Variants in ATP8A2 observed in about 807,000 individuals in gnomAD.
ATP8A2 encodes the protein ATPase phospholipid transporting 8A2, also known as phospholipid-transporting ATPase IB.
A neutral mutation model predicts 165.6 loss-of-function variants in ATP8A2; 100 were observed. The observed-to-expected ratio is 0.60, with a 90% confidence interval of 0.51 to 0.71. ATP8A2 has a LOEUF of 0.71. Among genes scored for constraint, ATP8A2 ranks in the 30% least tolerant of loss-of-function variants. The probability of loss-of-function intolerance (pLI) is 0.00; values close to 1 mark genes in which losing one functional copy is unlikely to be tolerated. For synonymous variants in ATP8A2, 543 were observed against 548.8 expected (o/e 0.99, Z 0.15); for missense variants, 1,227 against 1,479.5 (o/e 0.83, Z 2.80).
intron 30 of ATP8A2, among the ~76,000 whole-genome samples, chr13:25,849,215 A>G (rs1402016638): frequency 6.6e-6 from 1 of 152,218 alleles, no homozygotes; most frequent in African/African-American, 2.4e-5. Flanking sequence ...TGAGCCCTGC[A>G]TGAGTGTGAT....
At chr13:25,412,152 G>T (rs1044346345) in intron 1 of ATP8A2, among the ~76,000 whole-genome samples, 4 of 152,170 alleles carry the variant, frequency 2.6e-5, no homozygotes, top group Admixed American at 6.5e-5. Flanking sequence ...TCCTCCAGGA[G>T]GGGGACAGGT....
intron 25 of ATP8A2, among the ~76,000 whole-genome samples, chr13:25,738,581 G>A (rs1320016647): frequency 6.6e-6 from 1 of 152,212 alleles, no homozygotes; most frequent in Non-Finnish European, 1.5e-5. Flanking sequence ...AAGGGGCCTG[G>A]GCCTGGAGGG....
chr13:26,011,255 T>C (rs1324402), intron 35 of ATP8A2, among the ~76,000 whole-genome samples: 151,943 of 152,314 alleles, frequency 1, 75,788 homozygotes, highest in Middle Eastern at 1. Context: ...CTCGAGCTAC[T>C]TACAGATTGG....
At chr13:25,475,133 G>A (rs2035957817) in intron 2 of ATP8A2, among the ~76,000 whole-genome samples, 1 of 151,980 alleles carries the variant, frequency 6.6e-6, no homozygotes, top group East Asian at 1.9e-4. Context: ...ACTGTGCCCG[G>A]CCTCAATAGT....
At chr13:25,834,422 A>G (rs1416227369) in intron 28 of ATP8A2, among the ~76,000 whole-genome samples, 1 of 152,160 alleles carries the variant, frequency 6.6e-6, no homozygotes, top group African/African-American at 2.4e-5. Flanking sequence ...GAGATAAAAG[A>G]AAAAGTCTGT....
intron 27 of ATP8A2, among the ~76,000 whole-genome samples, chr13:25,801,608 T>C (rs1950623313): frequency 6.6e-6 from 1 of 152,178 alleles, no homozygotes; most frequent in African/African-American, 2.4e-5. Context: ...GCCTTGAATT[T>C]GCTATTGAGA....
At chr13:25,512,599 C>T (rs1453948859) in intron 2 of ATP8A2, among the ~76,000 whole-genome samples, 1 of 147,560 alleles carries the variant, frequency 6.8e-6, no homozygotes, top group East Asian at 2.1e-4. Context: ...CAGAGGCGCC[C>T]CTCACCTCCC....
rs1053967062 is a variant in ATP8A2 at position 25,963,572 on chromosome 13, C to T, written c.3272+1909C>T. Among the ~76,000 whole-genome samples the T allele has an allele frequency of 9.2e-5, 14 of 152,284 alleles. No individual in the cohort carries two copies. In the East Asian group the frequency reaches 2.7e-3, roughly 29 times the overall value. On this transcript the variant is annotated intron_variant, in intron 34 of 36. Transcript: ENST00000381655. Reference sequence around the variant, plus strand: ...TCAGTTTTAGATAAATAGGCCACATCAGCTGGCCTTTTCTATTTATAGTGA... The same window carrying T: ...TCAGTTTTAGATAAATAGGCCACATTAGCTGGCCTTTTCTATTTATAGTGA...
At chr13:25,515,485 G>A (rs545650694) in intron 2 of ATP8A2, among the ~76,000 whole-genome samples, 1 of 152,358 alleles carries the variant, frequency 6.6e-6, no homozygotes, top group South Asian at 2.1e-4. Context: ...CCCCTCTTGT[G>A]GGCTTCTCTC....
chr13:25,791,553 A>ACACACC, intron 27 of ATP8A2, among the ~76,000 whole-genome samples: 1 of 151,344 alleles, frequency 6.6e-6, no homozygotes, highest in South Asian at 2.1e-4. Context: ...ACACACACAC[A>ACACACC]CACACACACA....
intron 27 of ATP8A2, among the ~76,000 whole-genome samples, chr13:25,815,021 G>A (rs1188579383): frequency 6.6e-6 from 1 of 150,974 alleles, no homozygotes. Context: ...GCGGCAGAGT[G>A]AGACCTTGTT....
rs2036463035 is a variant in ATP8A2 at position 25,489,687 on chromosome 13, G to A, written c.221+20566G>A. Among the ~76,000 whole-genome samples the A allele has an allele frequency of 5.3e-5, 8 of 152,188 alleles. No homozygotes were observed. In the South Asian group the frequency reaches 1.7e-3, roughly 31 times the overall value. On this transcript the variant is annotated intron_variant, in intron 2 of 36. Coordinates refer to ENST00000381655, the MANE Select transcript of ATP8A2 (RefSeq NM_016529.6). ...CAGAATTGAACAGAAAATGAGAATT[G>A]GCTTAATGTGTTGTTCTCAGATATC...
Position 25,657,052 on chromosome 13 carries a change from C to CA in ATP8A2, c.2212-42092dup, listed in dbSNP as rs57955107. Among the ~76,000 whole-genome samples, 74 of 67,728 alleles carry CA rather than the reference C, an allele frequency of 1.1e-3. 5 individuals carry two copies. The highest frequency in any genetic ancestry group is 2.6e-3 in the South Asian group (3 of 1,158). The allele number at this position is 67,728 out of a possible 152,430, so 44.4% of individuals were successfully genotyped here. ...TGGGTGACAGATCGAGACTCTGTCT[C>CA]AAAAAAAAAAAAAAAAAAAAAAAAA... On this transcript the variant is annotated intron_variant, in intron 24 of 36. Transcript: ENST00000381655.
intron 24 of ATP8A2, among the ~76,000 whole-genome samples, chr13:25,649,173 G>A (rs2041752081): frequency 1.3e-5 from 2 of 152,294 alleles, no homozygotes; most frequent in South Asian, 4.1e-4. Flanking sequence ...TTATTATGTA[G>A]TTTAACCTGC....
intron 2 of ATP8A2, among the ~76,000 whole-genome samples, chr13:25,471,158 A>G (rs1039749514): frequency 6.6e-6 from 1 of 152,210 alleles, no homozygotes; most frequent in Non-Finnish European, 1.5e-5. Context: ...TAAAAGATAT[A>G]TACTGTATAA....
intron 27 of ATP8A2, among the ~76,000 whole-genome samples, chr13:25,816,725 T>C (rs80158563): frequency 0.022 from 3,277 of 152,266 alleles, 108 homozygotes; most frequent in African/African-American, 0.075. Context: ...TATATATATG[T>C]GATTCTTTCC....
intron 27 of ATP8A2, 83 bp downstream of exon 27, chr13:25,775,042 G>T (rs2044711007): frequency 1.3e-6 from 1 of 779,708 alleles, no homozygotes; most frequent in Non-Finnish European, 2.1e-6. Context: ...TTCAAGGCAG[G>T]ATTTTGTTCA....
intron 27 of ATP8A2, among the ~76,000 whole-genome samples, chr13:25,787,096 T>C (rs775102547): frequency 1.3e-5 from 2 of 152,174 alleles, no homozygotes; most frequent in Non-Finnish European, 2.9e-5. Context: ...GTACTATGAC[T>C]CTTGACAAAC....
At chr13:26,009,480 C>T (rs907607827) in intron 35 of ATP8A2, among the ~76,000 whole-genome samples, 2 of 152,170 alleles carry the variant, frequency 1.3e-5, no homozygotes, top group African/African-American at 4.8e-5. Flanking sequence ...GTTCACATCC[C>T]CATGCAAAAA....
Sources: gnomAD v4.1 joint callset for allele counts (sites outside exome capture counted in the v4.1 genomes callset) on GRCh38, gnomAD v4.1.1 for gene constraint, MANE v1.5 for transcripts, NCBI Gene and HGNC (gene_info 2026-07-23, HGNC 2026-07-21) for gene names.